Variants in IRAG2 observed in about 807,000 individuals in gnomAD.
The protein encoded by IRAG2 is lymphoid restricted membrane protein.
A neutral mutation model predicts 69.9 loss-of-function variants in IRAG2; 45 were observed. The observed-to-expected ratio is 0.64, with a 90% CI of 0.51 to 0.83. The LOEUF (loss-of-function observed/expected upper bound fraction) is 0.83, where lower values mean the gene tolerates loss of function less well. Ranked by LOEUF, IRAG2 falls within the 40% of genes least tolerant of loss-of-function variation. IRAG2 has a pLI of 0.00. For missense variants in IRAG2, 520 were observed against 587.0 expected, an observed-to-expected ratio of 0.89 and a Z score of 1.18; for synonymous variants, 193 against 202.4, an observed-to-expected ratio of 0.95 and a Z score of 0.40.
At position 25,107,857 on chromosome 12, in the gene IRAG2, T is replaced by G. The variant is rs1283582559; in HGVS notation, c.1297T>G (p.Ser433Ala). ...TTCCTGGGCAACAAATCTCAAGTCCTCCATCAGAAAGGCTAATAAGGCCCT... is the reference window on the plus strand; with the variant it reads ...TTCCTGGGCAACAAATCTCAAGTCCGCCATCAGAAAGGCTAATAAGGCCCT... ...IASWATNLKS[S>A]IRKANKALWL... The change falls in exon 22 of 22, where the codon TCC becomes GCC. Residue 433 changes from serine to alanine, a missense_variant. By Grantham distance (99) the Ser-to-Ala change is moderately conservative. Transcript: ENST00000556887. 3 of 1,613,890 alleles carry G rather than the reference T, an allele frequency of 1.9e-6. No individual in the cohort carries two copies. The highest frequency in any genetic ancestry group is 1.3e-5 in the African/African-American group (1 of 74,928).
intron 6 of IRAG2, among the ~76,000 whole-genome samples, chr12:25,018,307 C>T (rs1367849691): frequency 1.4e-5 from 2 of 146,398 alleles, no homozygotes; most frequent in Non-Finnish European, 3.0e-5. Context: ...CTCAAGTGAT[C>T]TTCTGGCCTC....
chr12:25,001,811 C>A (rs1944393519), upstream of IRAG2, among the ~76,000 whole-genome samples: 1 of 150,960 alleles, frequency 6.6e-6, no homozygotes, highest in Admixed American at 6.6e-5. Context: ...GCTCTGTCAC[C>A]CAGGCTGGAG....
At chr12:25,099,994 C>A in intron 15 of IRAG2, among the ~76,000 whole-genome samples, 2 of 7,252 alleles carry the variant, frequency 2.8e-4, no homozygotes, top group Non-Finnish European at 2.0e-4. Context: ...GAGTGAGACT[C>A]CATCTGAAAA....
At chr12:25,014,049 T>C (rs1187729280) in intron 3 of IRAG2, among the ~76,000 whole-genome samples, 5 of 151,506 alleles carry the variant, frequency 3.3e-5, no homozygotes, top group Admixed American at 2.6e-4. Flanking sequence ...TAATTTTTTA[T>C]ATTTTTTAGT....
At chr12:25,039,992 GT>G (rs1944734875) in intron 16 of IRAG2, among the ~76,000 whole-genome samples, 1 of 152,186 alleles carries the variant, frequency 6.6e-6, no homozygotes, top group African/African-American at 2.4e-5. Context: ...ACCTAGTTCT[GT>G]CTGACTTCAG....
rs368012092 is a variant in IRAG2 at position 25,069,395 on chromosome 12, A to G, written c.-13A>G. 1.2e-5 allele frequency: 19 copies of G among 1,613,680 alleles called. No homozygotes were observed. The highest frequency in any genetic ancestry group is 1.2e-4 in the Admixed American group (7 of 59,944). Reference sequence around the variant, plus strand: ...GCCCCAGCCCAGGAACGAATCTCTCAGGCTGCATCAGGATGAATGATGACC... The same window carrying G: ...GCCCCAGCCCAGGAACGAATCTCTCGGGCTGCATCAGGATGAATGATGACC... On this transcript the variant is annotated 5_prime_UTR_variant, in exon 6 of 22. Transcript: ENST00000556887.
intron 7 of IRAG2, among the ~76,000 whole-genome samples, chr12:25,021,686 A>G (rs1380510506): frequency 6.6e-6 from 1 of 152,228 alleles, no homozygotes; most frequent in African/African-American, 2.4e-5. Flanking sequence ...AGTATCATTA[A>G]CTATGGTAAG....
At chr12:25,069,730 G>T (rs924564240) in intron 6 of IRAG2, among the ~76,000 whole-genome samples, 3 of 152,168 alleles carry the variant, frequency 2.0e-5, no homozygotes, top group Admixed American at 6.5e-5. Context: ...GAGGCAGGCT[G>T]GTTTGGGACT....
At chr12:25,033,613 G>T (rs1347084266) in intron 12 of IRAG2, 3 of 337,530 alleles carry the variant, frequency 8.9e-6, no homozygotes, top group Non-Finnish European at 1.6e-5. Context: ...TTAACTGTTG[G>T]TACCAATTCT....
chr12:25,101,048 T>A (rs942113909), intron 15 of IRAG2, 130 bp from the exon 16 acceptor site: 40 of 672,386 alleles, frequency 5.9e-5, no homozygotes, highest in African/African-American at 7.5e-5. Flanking sequence ...GCATGTCTTT[T>A]TAAAAAAAAA....
intron 7 of IRAG2, among the ~76,000 whole-genome samples, chr12:25,021,623 T>C (rs149179146): frequency 5.1e-4 from 77 of 152,330 alleles, no homozygotes; most frequent in African/African-American, 1.8e-3. Context: ...TCAACTGTTG[T>C]ATAAAGAATT....
upstream of IRAG2, among the ~76,000 whole-genome samples, chr12:25,049,528 A>G (rs575707546): frequency 7.2e-5 from 11 of 152,352 alleles, no homozygotes; most frequent in African/African-American, 2.4e-4. Flanking sequence ...AAAAACACAA[A>G]TAACTAGATT....
chr12:25,050,928 A>G (rs1944854633), upstream of IRAG2, among the ~76,000 whole-genome samples: 1 of 152,238 alleles, frequency 6.6e-6, no homozygotes, highest in Non-Finnish European at 1.5e-5. Context: ...TAAAATAGTT[A>G]AACTAATAGA....
chr12:24,998,690 A>AT, the IRAG2 span, among the ~76,000 whole-genome samples: 890 of 148,174 alleles, frequency 6.0e-3, 10 homozygotes, highest in African/African-American at 0.019. Context: ...ACATACTTAA[A>AT]TTTTTTTTTT....
intron 14 of IRAG2, among the ~76,000 whole-genome samples, chr12:25,094,492 T>A (rs867418186): frequency 6.6e-6 from 1 of 152,302 alleles, no homozygotes. Flanking sequence ...TTGTAATATG[T>A]TTTAAAATTA....
At chr12:25,021,437 C>CT (rs1171491605) in intron 7 of IRAG2, among the ~76,000 whole-genome samples, 1 of 151,652 alleles carries the variant, frequency 6.6e-6, no homozygotes, top group African/African-American at 2.4e-5. Context: ...AAACTTTCAC[C>CT]TTTTTTCTCA....
chr12:25,075,552 GTGTGTA>G (rs763599388), intron 6 of IRAG2, among the ~76,000 whole-genome samples: 15,489 of 147,000 alleles, frequency 0.11, 1,016 homozygotes, highest in Admixed American at 0.14. Context: ...GTGTGTGTGT[GTGTGTA>G]TGTGTGTCTC....
At chr12:25,081,232 G>A (rs1247937050) in intron 9 of IRAG2, among the ~76,000 whole-genome samples, 2 of 152,214 alleles carry the variant, frequency 1.3e-5, no homozygotes, top group African/African-American at 4.8e-5. Flanking sequence ...GGAGGCTGAG[G>A]CAGGCAGATC....
chr12:25,027,446 G>A (rs10771157), intron 9 of IRAG2, among the ~76,000 whole-genome samples: 47,678 of 148,018 alleles, frequency 0.32, 8,273 homozygotes, highest in Admixed American at 0.47. Flanking sequence ...CCAGGCTGGA[G>A]TGCAGTGGTG....
Sources: gnomAD v4.1 joint callset for allele counts (sites outside exome capture counted in the v4.1 genomes callset) on GRCh38, gnomAD v4.1.1 for gene constraint, MANE v1.5 for transcripts, NCBI Gene and HGNC (gene_info 2026-07-23, HGNC 2026-07-21) for gene names.